Variants in ASIC1 observed in about 807,000 individuals in gnomAD.
ASIC1 encodes the protein acid sensing ion channel subunit 1.
ASIC1 carries 21 observed loss-of-function variants against 63.4 expected under a neutral mutation model. That is an observed-to-expected ratio of 0.33 (90% CI 0.23 to 0.48). The LOEUF (loss-of-function observed/expected upper bound fraction) is 0.48, where lower values mean the gene tolerates loss of function less well. ASIC1 is among the 20% of genes least tolerant of loss of function. ASIC1 has a pLI of 0.99. For missense variants in ASIC1, 478 were observed against 695.5 expected (o/e 0.69, Z 3.52); for synonymous variants, 258 against 278.2 (o/e 0.93, Z 0.72).
rs1194076156 is a variant in ASIC1, at chr12:50,082,295, C to G, written c.*646C>G. On this transcript the variant is annotated 3_prime_UTR_variant, in exon 12 of 12. Coordinates refer to ENST00000447966, the MANE Select transcript of ASIC1 (RefSeq NM_001095.4). Reference sequence around the variant, plus strand: ...TGGTGCTGTAGGCTACATCCTGATACCTATAAGTTCACCCCCACCCCACAG... The same window carrying G: ...TGGTGCTGTAGGCTACATCCTGATAGCTATAAGTTCACCCCCACCCCACAG... The G allele has an allele frequency of 6.5e-6, 1 of 152,750 alleles. No individual in the cohort carries two copies. The highest frequency in any genetic ancestry group is 2.4e-5 in the African/African-American group (1 of 41,410). The allele number at this position is 152,750 out of a possible 1,614,324, so 9.5% of individuals were successfully genotyped here. A position where few individuals can be genotyped will look rare whatever the true frequency, so the allele number is the denominator to read the frequency against.
At chr12:50,077,501 C>T (rs565306224) in intron 4 of ASIC1, 138 bp downstream of exon 4, 2 of 1,203,558 alleles carry the variant, frequency 1.7e-6, no homozygotes, top group Non-Finnish European at 2.3e-6. Context: ...ATCTCTATCA[C>T]TGACTCTACC....
chr12:50,058,311 G>T (rs539268866), intron 1 of ASIC1, among the ~76,000 whole-genome samples: 5 of 152,278 alleles, frequency 3.3e-5, no homozygotes, highest in South Asian at 4.1e-4. Flanking sequence ...CCACAGCCCC[G>T]TCCAGGGAAT....
rs1950685838 is a variant in ASIC1 at position 50,078,855 on chromosome 12, T to C, written c.995-69T>C. The C allele has an allele frequency of 6.5e-7, 1 of 1,549,176 alleles. No individual in the cohort carries two copies. The highest frequency in any genetic ancestry group is 8.9e-7 in the Non-Finnish European group (1 of 1,121,252). ...TCTCCCAGCTTACACCTTCTAGGCC[T>C]TTGGTACTACCACCATCACCAGACC... On this transcript the variant is annotated intron_variant, in intron 6 of 11. Transcript: ENST00000447966. This position sits in a 1 kb window ranked among gnomAD's most constrained non-coding sequence, Gnocchi z 6.0.
Position 50,081,192 on chromosome 12 carries a change from G to A in ASIC1, c.1377+11G>A. 3 of 1,609,630 alleles carry A rather than the reference G, an allele frequency of 1.9e-6. No homozygotes were observed. Among genetic ancestry groups the A allele is most frequent in the Non-Finnish European group, 2.5e-6 (3 of 1,178,124 alleles). On this transcript the variant is annotated intron_variant, in intron 10 of 11. Transcript: ENST00000447966. Reference sequence around the variant, plus strand: ...GACTACGCCTACGAGGTAAGCGGGGGCGAGGCCCGGCACGGGGCCACGTGG... The same window carrying A: ...GACTACGCCTACGAGGTAAGCGGGGACGAGGCCCGGCACGGGGCCACGTGG...
In ASIC1 at chr12:50,081,858, A is replaced by G; in HGVS notation, c.*209A>G. On this transcript the variant is annotated 3_prime_UTR_variant, in exon 12 of 12. Transcript: ENST00000447966. ...TTACATTTAACAAAACTAATCTAAAAAAGAACTAAAAAGGGAGAACGGGGC... is the reference window on the plus strand; with the variant it reads ...TTACATTTAACAAAACTAATCTAAAGAAGAACTAAAAAGGGAGAACGGGGC... 3.5e-6 allele frequency: 2 copies of G among 575,148 alleles called. No individual in the cohort carries two copies. The highest frequency in any genetic ancestry group is 6.4e-5 in the Admixed American group (2 of 31,266). 35.6% of individuals were successfully genotyped at this position (575,148 alleles called of 1,614,324 possible).
At position 50,081,854 on chromosome 12, in the gene ASIC1, TAAAA is replaced by T. The variant is rs1565734472; in HGVS notation, c.*208_*211del. The T allele has an allele frequency of 1.7e-6, 1 of 579,366 alleles. No individual in the cohort carries two copies. Among genetic ancestry groups the T allele is most frequent in the Admixed American group, 3.2e-5 (1 of 31,400 alleles). 35.9% of individuals were successfully genotyped at this position (579,366 alleles called of 1,614,324 possible). ...CTTTTTACATTTAACAAAACTAATCTAAAAAAGAACTAAAAAGGGAGAACGGGGC... is the reference window on the plus strand; with the variant it reads ...CTTTTTACATTTAACAAAACTAATCTAAGAACTAAAAAGGGAGAACGGGGC... On this transcript the variant is annotated 3_prime_UTR_variant, in exon 12 of 12. Coordinates refer to ENST00000447966, the MANE Select transcript of ASIC1 (RefSeq NM_001095.4).
At chr12:50,083,612 TCTC>T (rs1326507354), downstream of ASIC1, 1 of 152,658 alleles carries the variant, frequency 6.6e-6, no homozygotes, top group Non-Finnish European at 1.5e-5. Context: ...GTTTCAACCA[TCTC>T]CTCTTCAGTG....
Position 50,058,909 on chromosome 12 carries a change from T to C in ASIC1, c.143T>C (p.Leu48Pro). Residue 48 changes from leucine to proline, a missense_variant, in exon 2 of 12, where the codon CTG becomes CCG. This residue lies in a region of ASIC1 where 290 missense variants were observed against 414.9 expected (regional missense o/e 0.70). Coordinates refer to ENST00000447966, the MANE Select transcript of ASIC1 (RefSeq NM_001095.4). ...RLSLKRALWA[L>P]CFLGSLAVLL... ...TCTCTGAAGCGGGCACTGTGGGCCC[T>C]GTGCTTCCTGGGCTCCCTGGCTGTG... 6.2e-7 allele frequency: 1 copy of C among 1,614,146 alleles called. No individual in the cohort carries two copies. The highest frequency in any genetic ancestry group is 8.5e-7 in the Non-Finnish European group (1 of 1,180,014).
In ASIC1 at chr12:50,059,031, G is replaced by A. The variant is rs1410001797; in HGVS notation, c.265G>A (p.Ala89Thr). 2.5e-6 allele frequency: 4 copies of A among 1,614,134 alleles called. No individual in the cohort carries two copies. The highest frequency in any genetic ancestry group is 3.4e-6 in the Non-Finnish European group (4 of 1,179,998). The change falls in exon 2 of 12, where the codon GCT (alanine) becomes ACT (threonine). Residue 89 changes from alanine (A) to threonine (T), a missense_variant. Ala to Thr is a moderately conservative substitution (Grantham distance 58, BLOSUM62 0). Transcript: ENST00000447966. The surrounding 1 kb of genome is among the most constrained non-coding windows in gnomAD (Gnocchi z 4.6). ...EVAASQLTFP[A>T]VTLCNLNEFR... The stretch of plus-strand genomic sequence containing the variant: ...GGCTGCCTCTCAGCTTACCTTCCCT[G>A]CTGTCACGCTGTGCAACCTCAACGA...
chr12:50,071,098 G>A (rs756739134), intron 3 of ASIC1, among the ~76,000 whole-genome samples: 2 of 152,058 alleles, frequency 1.3e-5, no homozygotes, highest in African/African-American at 4.8e-5. Context: ...CTGTGGAGTC[G>A]GGAGGATTCT....
Position 50,059,192 on chromosome 12 carries a change from C to G in ASIC1, c.362+64C>G. ...GTTGCTTGAGTTCCAGTCAGGATGT[C>G]TGCCTCCCTGACCCACCATAGAGCC... On this transcript the variant is annotated intron_variant, in intron 2 of 11. Coordinates refer to ENST00000447966, the MANE Select transcript of ASIC1 (RefSeq NM_001095.4). The surrounding 1 kb of genome is among the most constrained non-coding windows in gnomAD (Gnocchi z 4.6). 1 of 1,574,136 alleles carries G rather than the reference C, an allele frequency of 6.4e-7. No individual in the cohort carries two copies. Among genetic ancestry groups the G allele is most frequent in the South Asian group, 1.2e-5 (1 of 85,794 alleles).
chr12:50,073,446 G>T (rs1241556077), intron 3 of ASIC1: 1 of 1,416,556 alleles, frequency 7.1e-7, no homozygotes, highest in African/African-American at 1.4e-5. Flanking sequence ...AGGAAGGACG[G>T]CCAGCTGGGC....
chr12:50,072,285 G>T (rs143238952), intron 3 of ASIC1, among the ~76,000 whole-genome samples: 220 of 152,304 alleles, frequency 1.4e-3, no homozygotes, highest in Non-Finnish European at 2.8e-3. Context: ...CTCCTCCTCT[G>T]GCCCTGCAGA....
At position 50,057,658 on chromosome 12, in the gene ASIC1, G is replaced by C. The variant is rs938101717; in HGVS notation, c.-275G>C. ...ATCCCTGCAGATCCCAGGGCTGAGA[G>C]CACCGCGCACCGCGCCGAGCCCGGG... On this transcript the variant is annotated 5_prime_UTR_variant, in exon 1 of 12. Transcript: ENST00000447966. The surrounding 1 kb of genome is among the most constrained non-coding windows in gnomAD (Gnocchi z 4.7). 2.6e-5 allele frequency: 4 copies of C among 151,722 alleles called. No individual in the cohort carries two copies. Among genetic ancestry groups the C allele is most frequent in the African/African-American group, 9.7e-5 (4 of 41,396 alleles). The allele number at this position is 151,722 out of a possible 1,614,324, so 9.4% of individuals were successfully genotyped here. A position where few individuals can be genotyped will look rare whatever the true frequency, so the allele number is the denominator to read the frequency against.
rs1424963221 is a variant in ASIC1, at chr12:50,081,748, A to G, written c.*99A>G. 2 of 1,044,698 alleles carry G rather than the reference A, an allele frequency of 1.9e-6. No homozygotes were observed. The highest frequency in any genetic ancestry group is 1.6e-5 in the African/African-American group (1 of 62,856). The allele number at this position is 1,044,698 out of a possible 1,614,324, so 64.7% of individuals were successfully genotyped here. On this transcript the variant is annotated 3_prime_UTR_variant, in exon 12 of 12. Coordinates refer to ENST00000447966, the MANE Select transcript of ASIC1 (RefSeq NM_001095.4). Reference sequence around the variant, plus strand: ...CACATCTGCCCTGGGGACTCCCCACACTCCGGGGCAGATCTTTCCTCTTGT... The same window carrying G: ...CACATCTGCCCTGGGGACTCCCCACGCTCCGGGGCAGATCTTTCCTCTTGT...
intron 8 of ASIC1, 45 bp from the exon 9 acceptor site, chr12:50,080,453 G>C (rs771337726): frequency 6.3e-7 from 1 of 1,578,124 alleles, no homozygotes; most frequent in South Asian, 1.1e-5. Context: ...GTAAGAGATA[G>C]AGATATGACT....
intron 3 of ASIC1, among the ~76,000 whole-genome samples, chr12:50,064,047 C>T (rs386469): frequency 0.93 from 140,793 of 152,112 alleles, 65,560 homozygotes; most frequent in Non-Finnish European, 0.98. Context: ...CTTGGGCAGC[C>T]CCACCCAGAG....
chr12:50,067,745 G>A (rs532507475), intron 3 of ASIC1, among the ~76,000 whole-genome samples: 2 of 152,058 alleles, frequency 1.3e-5, no homozygotes, highest in South Asian at 2.1e-4. Context: ...TGAACTATTC[G>A]CTTTCCTGAC....
intron 9 of ASIC1, 77 bp downstream of exon 9, chr12:50,080,666 C>T: frequency 6.2e-7 from 1 of 1,614,184 alleles, no homozygotes; most frequent in Non-Finnish European, 8.5e-7. Flanking sequence ...AAGCAGGGTG[C>T]TCACTTCTGT....
Sources: allele counts gnomAD v4.1 joint callset (sites outside exome capture counted in the v4.1 genomes callset), GRCh38; gene constraint gnomAD v4.1.1; regional missense constraint gnomAD v4.1.1; non-coding constraint Gnocchi (gnomAD v3.1); transcripts MANE v1.5; gene names NCBI Gene and HGNC (gene_info 2026-07-23, HGNC 2026-07-21).